The following EBF2 variants were observed in gnomAD, a reference collection of about 807,000 sequenced individuals.
EBF2 encodes EBF transcription factor 2, also known as transcription factor COE2.
In EBF2, 21 loss-of-function variants were observed where a neutral mutation model predicts 72.8. The observed-to-expected ratio is 0.29, with a 90% confidence interval of 0.20 to 0.42. The LOEUF is 0.42. EBF2 is among the 10% of genes least tolerant of loss of function. The pLI is 1.00. For synonymous variants in EBF2, 299 were observed against 274.2 expected (o/e 1.09, Z -0.89); for missense variants, 637 against 731.2 (o/e 0.87, Z 1.49).
chr8:25,979,180 G>A (rs1183126079), intron 6 of EBF2, among the ~76,000 whole-genome samples: 1 of 152,166 alleles, frequency 6.6e-6, no homozygotes, highest in Non-Finnish European at 1.5e-5. Context: ...TCCCGCAGAT[G>A]CAAAAAGCAT....
chr8:25,885,881 C>A (rs1350758792), intron 10 of EBF2, among the ~76,000 whole-genome samples: 4 of 152,116 alleles, frequency 2.6e-5, no homozygotes, highest in Admixed American at 2.6e-4. Context: ...AATACACATG[C>A]CTAGCACATG....
intron 14 of EBF2, among the ~76,000 whole-genome samples, chr8:25,857,095 A>G (rs1285681769): frequency 6.6e-6 from 1 of 152,178 alleles, no homozygotes; most frequent in Non-Finnish European, 1.5e-5. Flanking sequence ...GTAGAAACAA[A>G]TCAAGCAATC....
chr8:26,037,550 C>T (rs917351448), intron 5 of EBF2, among the ~76,000 whole-genome samples: 1 of 152,206 alleles, frequency 6.6e-6, no homozygotes, highest in African/African-American at 2.4e-5. Flanking sequence ...GCCCGGCTGG[C>T]CCATCTGATT....
At chr8:25,871,054 C>T in intron 10 of EBF2, among the ~76,000 whole-genome samples, 1 of 152,274 alleles carries the variant, frequency 6.6e-6, no homozygotes, top group South Asian at 2.1e-4. Context: ...GGACCTCAGC[C>T]TTTAACACAT....
At chr8:25,991,880 GGA>G (rs1160428037) in intron 6 of EBF2, among the ~76,000 whole-genome samples, 1 of 151,762 alleles carries the variant, frequency 6.6e-6, no homozygotes, top group Admixed American at 6.6e-5. Flanking sequence ...AAAACAAAAG[GGA>G]GAGTTCACAA....
chr8:25,962,099 T>A (rs1166275681), intron 6 of EBF2, among the ~76,000 whole-genome samples: 2 of 152,200 alleles, frequency 1.3e-5, no homozygotes, highest in African/African-American at 4.8e-5. Context: ...GCATTCTGAA[T>A]GCCACGTACA....
intron 6 of EBF2, among the ~76,000 whole-genome samples, chr8:25,980,050 T>G (rs1804334755): frequency 6.6e-6 from 1 of 152,178 alleles, no homozygotes; most frequent in Non-Finnish European, 1.5e-5. Flanking sequence ...AAAGCAGGAC[T>G]GTATTGCTTT....
chr8:26,014,279 G>A (rs1805073315), intron 6 of EBF2, among the ~76,000 whole-genome samples: 1 of 151,974 alleles, frequency 6.6e-6, no homozygotes, highest in African/African-American at 2.4e-5. Flanking sequence ...ATAAATATAG[G>A]CATTGTTCCA....
chr8:25,954,335 A>AC (rs952275418), intron 6 of EBF2, among the ~76,000 whole-genome samples: 1 of 152,046 alleles, frequency 6.6e-6, no homozygotes, highest in Non-Finnish European at 1.5e-5. Context: ...TAAATGCACC[A>AC]CCTGAGTCTG....
intron 10 of EBF2, among the ~76,000 whole-genome samples, chr8:25,869,141 C>T (rs1208077153): frequency 6.6e-6 from 1 of 152,180 alleles, no homozygotes; most frequent in East Asian, 1.9e-4. Context: ...TTCAATTCTC[C>T]TGCAGTCAGG....
At chr8:25,973,299 G>T (rs568696397) in intron 6 of EBF2, among the ~76,000 whole-genome samples, 16 of 152,284 alleles carry the variant, frequency 1.1e-4, no homozygotes, top group Admixed American at 5.2e-4. Context: ...CTTTTAGCTA[G>T]ATACCTTTCT....
chr8:25,882,110 G>A (rs945903711), intron 10 of EBF2, among the ~76,000 whole-genome samples: 3 of 152,100 alleles, frequency 2.0e-5, no homozygotes, highest in African/African-American at 4.8e-5. Flanking sequence ...AACACAAGCC[G>A]CCTACGGAAG....
At chr8:25,914,785 A>G (rs1306266274) in intron 6 of EBF2, among the ~76,000 whole-genome samples, 2 of 152,226 alleles carry the variant, frequency 1.3e-5, no homozygotes, top group African/African-American at 4.8e-5. Flanking sequence ...ATTTAGTTAA[A>G]CAATCCCTCA....
chr8:25,984,224 A>G (rs1476765388), intron 6 of EBF2, among the ~76,000 whole-genome samples: 1 of 152,220 alleles, frequency 6.6e-6, no homozygotes, highest in Non-Finnish European at 1.5e-5. Flanking sequence ...TTCACAGAGC[A>G]CTGTGAACCA....
chr8:25,874,485 A>C (rs7004286), intron 10 of EBF2, among the ~76,000 whole-genome samples: 40,793 of 151,886 alleles, frequency 0.27, 5,879 homozygotes, highest in South Asian at 0.4. Flanking sequence ...AGCATGAATT[A>C]TCTGGTTTCT....
In EBF2 at chr8:26,033,122, G is replaced by T; in HGVS notation, c.514C>A (p.Arg172=). The part of the protein sequence containing the change: ...RCCEKKSCGN[R]NETPSDPVII... ...ACTGGGTCCGATGGAGTCTCATTTCGGTTTCCACAGCTTTTCTTTTCGCAG... is the reference window on the plus strand; with the variant it reads ...ACTGGGTCCGATGGAGTCTCATTTCTGTTTCCACAGCTTTTCTTTTCGCAG... The change falls in exon 6 of 16, where the codon CGA becomes AGA. Residue 172 remains arginine (R), a synonymous_variant. Transcript: ENST00000520164. 1 of 1,614,112 alleles carries T rather than the reference G, an allele frequency of 6.2e-7. No homozygotes were observed. Among genetic ancestry groups the T allele is most frequent in the Non-Finnish European group, 8.5e-7 (1 of 1,179,998 alleles).
At chr8:26,039,960 G>C (rs997945852) in intron 5 of EBF2, 68 bp downstream of exon 5, 3 of 1,560,018 alleles carry the variant, frequency 1.9e-6, no homozygotes, top group Non-Finnish European at 2.6e-6. Context: ...CCGGGAACGC[G>C]GCGCGCCAAG....
chr8:25,900,922 A>G (rs1802940600), intron 7 of EBF2, among the ~76,000 whole-genome samples: 1 of 152,206 alleles, frequency 6.6e-6, no homozygotes, highest in Non-Finnish European at 1.5e-5. Flanking sequence ...TGGGGTGACT[A>G]CAGTTAACAA....
chr8:26,024,107 C>T (rs17239945), intron 6 of EBF2, among the ~76,000 whole-genome samples: 10,453 of 152,204 alleles, frequency 0.069, 466 homozygotes, highest in Admixed American at 0.1. Context: ...ACCCAAGTAC[C>T]TCTAAAACTA....
Sources: gnomAD v4.1 joint callset for allele counts (sites outside exome capture counted in the v4.1 genomes callset) on GRCh38, gnomAD v4.1.1 for gene constraint, MANE v1.5 for transcripts, NCBI Gene and HGNC (gene_info 2026-07-23, HGNC 2026-07-21) for gene names.